Variants in CRADD observed in about 807,000 individuals in gnomAD.
The protein encoded by CRADD is death domain-containing protein CRADD.
In CRADD, 9 loss-of-function variants were observed where a neutral mutation model predicts 15.5. The observed-to-expected ratio is 0.58, with a 90% CI of 0.35 to 1.01. The LOEUF (loss-of-function observed/expected upper bound fraction) is 1.01, where lower values mean the gene tolerates loss of function less well. Among genes scored for constraint, CRADD ranks in the 50% least tolerant of loss-of-function variants. CRADD has a pLI of 0.02. For missense variants in CRADD, 227 were observed against 250.3 expected (o/e 0.91, Z 0.63); for synonymous variants, 118 against 107.6 (o/e 1.10, Z -0.60).
chr12:93,678,430 G>C (rs777017016), intron 1 of CRADD, among the ~76,000 whole-genome samples: 1 of 152,018 alleles, frequency 6.6e-6, no homozygotes, highest in Admixed American at 6.5e-5. Context: ...GTGCTGCTCT[G>C]TAATCTTCAG....
intron 2 of CRADD, among the ~76,000 whole-genome samples, chr12:93,749,899 A>G (rs1956811008): frequency 2.0e-5 from 3 of 152,168 alleles, no homozygotes; most frequent in Non-Finnish European, 4.4e-5. Flanking sequence ...GCTTTATAGA[A>G]CTTGGTTCAG....
chr12:93,805,927 G>A (rs79517631), intron 2 of CRADD, among the ~76,000 whole-genome samples: 1,844 of 152,268 alleles, frequency 0.012, 35 homozygotes, highest in African/African-American at 0.042. Flanking sequence ...GCAAAGTACA[G>A]CAAGTCCCTG....
chr12:93,836,641 G>C (rs528543126), intron 2 of CRADD, among the ~76,000 whole-genome samples: 1 of 152,178 alleles, frequency 6.6e-6, no homozygotes, highest in African/African-American at 2.4e-5. Context: ...TAAATACAAA[G>C]TAAATTAAAA....
intron 2 of CRADD, among the ~76,000 whole-genome samples, chr12:93,745,484 G>C (rs889382012): frequency 6.6e-6 from 1 of 152,172 alleles, no homozygotes; most frequent in Admixed American, 6.5e-5. Context: ...GAGAAATGGG[G>C]ATCTCACAGT....
chr12:93,812,825 T>C (rs955601933), intron 2 of CRADD, among the ~76,000 whole-genome samples: 12 of 152,214 alleles, frequency 7.9e-5, no homozygotes, highest in African/African-American at 2.9e-4. Context: ...TGGTGTAAAA[T>C]TCAGGTCTGG....
intron 2 of CRADD, among the ~76,000 whole-genome samples, chr12:93,732,359 T>A (rs1361469317): frequency 6.6e-6 from 1 of 152,164 alleles, no homozygotes; most frequent in East Asian, 1.9e-4. Flanking sequence ...AGAAACAGAT[T>A]TTTAAATTAC....
intron 2 of CRADD, among the ~76,000 whole-genome samples, chr12:93,760,136 G>A (rs1341965765): frequency 2.6e-5 from 4 of 152,080 alleles, no homozygotes; most frequent in African/African-American, 9.7e-5. Flanking sequence ...AAGGAAGAAA[G>A]TAAAGAGGAT....
chr12:93,780,876 A>T (rs1957201084), intron 2 of CRADD, among the ~76,000 whole-genome samples: 1 of 149,840 alleles, frequency 6.7e-6, no homozygotes, highest in South Asian at 2.1e-4. Context: ...CCTCCTGCAT[A>T]GCTGGGATTA....
chr12:93,677,563 T>A (rs1380974072), intron 1 of CRADD, 91 bp downstream of exon 1: 1 of 152,280 alleles, frequency 6.6e-6, no homozygotes, highest in East Asian at 1.9e-4. Context: ...CCCGCTAACT[T>A]GCTCCGCATT....
chr12:93,870,922 C>T (rs61927334), intron 2 of CRADD, among the ~76,000 whole-genome samples: 5,111 of 152,198 alleles, frequency 0.034, 139 homozygotes, highest in Non-Finnish European at 0.05. Flanking sequence ...TGATAGTGGA[C>T]AACAATTAAA....
intron 2 of CRADD, among the ~76,000 whole-genome samples, chr12:93,761,758 G>A (rs1017552416): frequency 6.6e-6 from 1 of 152,154 alleles, no homozygotes; most frequent in Non-Finnish European, 1.5e-5. Context: ...TTGGTATTAT[G>A]AGCACTAGTT....
At chr12:93,843,964 C>T (rs147431071) in intron 2 of CRADD, among the ~76,000 whole-genome samples, 1,626 of 152,138 alleles carry the variant, frequency 0.011, 30 homozygotes, top group African/African-American at 0.036. Context: ...TCAAGTGATT[C>T]ACCCACCTTG....
chr12:93,890,336 G>A (rs897823567), intron 2 of CRADD, among the ~76,000 whole-genome samples: 13 of 152,202 alleles, frequency 8.5e-5, no homozygotes, highest in Admixed American at 7.2e-4. Context: ...GGGAATTATT[G>A]TTATCAATTG....
chr12:93,745,578 A>C (rs893881930), intron 2 of CRADD, among the ~76,000 whole-genome samples: 2 of 152,218 alleles, frequency 1.3e-5, no homozygotes, highest in African/African-American at 4.8e-5. Flanking sequence ...GTATGTTGAC[A>C]CTTGAAACCA....
At chr12:93,744,505 T>C (rs1956725002) in intron 2 of CRADD, among the ~76,000 whole-genome samples, 2 of 152,182 alleles carry the variant, frequency 1.3e-5, no homozygotes, top group African/African-American at 4.8e-5. Context: ...GTCAACTTAT[T>C]AGTAACCTTA....
chr12:93,783,116 C>T (rs1322537263), intron 2 of CRADD, among the ~76,000 whole-genome samples: 1 of 151,952 alleles, frequency 6.6e-6, no homozygotes, highest in East Asian at 1.9e-4. Flanking sequence ...CCTTTTTTGC[C>T]TCTTTCCTTT....
chr12:93,889,135 C>A (rs1024407731), intron 2 of CRADD, among the ~76,000 whole-genome samples: 2 of 152,266 alleles, frequency 1.3e-5, no homozygotes, highest in Admixed American at 1.3e-4. Flanking sequence ...TCCAGCAGCC[C>A]TGTCTTCAAA....
chr12:93,703,180 C>T (rs1252628108), intron 2 of CRADD, among the ~76,000 whole-genome samples: 1 of 151,876 alleles, frequency 6.6e-6, no homozygotes, highest in African/African-American at 2.4e-5. Context: ...TTCTCTTTAT[C>T]TAAGAAAGAA....
At chr12:93,786,323 A>G (rs1957277481) in intron 2 of CRADD, among the ~76,000 whole-genome samples, 1 of 152,186 alleles carries the variant, frequency 6.6e-6, no homozygotes, top group Admixed American at 6.5e-5. Flanking sequence ...GTGTAAACGT[A>G]TACATCTGTA....
Sources: gnomAD v4.1 joint callset for allele counts (sites outside exome capture counted in the v4.1 genomes callset) on GRCh38, gnomAD v4.1.1 for gene constraint, MANE v1.5 for transcripts, NCBI Gene and HGNC (gene_info 2026-07-23, HGNC 2026-07-21) for gene names.